FBXO44: variants seen among roughly 807,000 people sequenced by gnomAD.
FBXO44 encodes F-box only protein 44.
FBXO44 carries 25 observed loss-of-function variants against 33.5 expected under a neutral mutation model. That is an observed-to-expected ratio of 0.75 (90% CI 0.54 to 1.04). The LOEUF (loss-of-function observed/expected upper bound fraction) is 1.04. FBXO44 is among the 50% of genes least tolerant of loss of function. The pLI, the probability that FBXO44 is intolerant of heterozygous loss-of-function variation, is 0.00. For synonymous variants in FBXO44, 147 were observed against 152.8 expected (o/e 0.96, Z 0.28); for missense variants, 311 against 344.0 (o/e 0.90, Z 0.76).
Position 11,656,027 on chromosome 1 carries a change from C to T in FBXO44, c.192C>T (p.Pro64=), listed in dbSNP as rs772816291. 1.2e-6 allele frequency: 2 copies of T among 1,614,154 alleles called. No homozygotes were observed. The highest frequency in any genetic ancestry group is 2.2e-5 in the South Asian group (2 of 91,076). The part of the protein sequence containing the change: ...EGFITEDWDQ[P]VADWKIFYFL... ...TCATCACTGAGGACTGGGACCAGCC[C>T]GTGGCCGACTGGAAGATCTTCTACT... Residue 64 remains proline (P), a synonymous_variant, in exon 2 of 6, where the codon CCC becomes CCT. Transcript: ENST00000251547.
chr1:11,655,386 C>A (rs945031134), intron 1 of FBXO44: 4 of 173,606 alleles, frequency 2.3e-5, no homozygotes, highest in Non-Finnish European at 5.0e-5. Flanking sequence ...TGGACCTCCG[C>A]GGGAGGCAGT....
chr1:11,661,533 A>G lies in FBXO44; in HGVS notation c.*260A>G. On this transcript the variant is annotated 3_prime_UTR_variant, in exon 6 of 6. Transcript: ENST00000251547. This position sits in a 1 kb window ranked among gnomAD's most constrained non-coding sequence, Gnocchi z 4.4. ...CCCTTTCAGAGACGGAGCACCTGAG[A>G]TGTGGGAGGTGCAGCATGTTCCCCT... 6 of 496,374 alleles carry G rather than the reference A, an allele frequency of 1.2e-5. No individual in the cohort carries two copies. In the South Asian group the frequency reaches 2.4e-4, roughly 20 times the overall value. The allele number at this position is 496,374 out of a possible 1,614,324, so 30.7% of individuals were successfully genotyped here. A position where few individuals can be genotyped will look rare whatever the true frequency, so the allele number is the denominator to read the frequency against.
upstream of FBXO44, chr1:11,654,521 C>T (rs1451601485): frequency 4.3e-6 from 2 of 462,934 alleles, no homozygotes; most frequent in South Asian, 8.2e-5. Flanking sequence ...CCCGCAGTCC[C>T]AGCAGTCTGC....
intron 5 of FBXO44, 51 bp downstream of exon 5, chr1:11,658,922 C>A: frequency 6.3e-7 from 1 of 1,595,746 alleles, no homozygotes. Flanking sequence ...AAGGCTGAGG[C>A]TGTGGTCAGA....
Position 11,661,436 on chromosome 1 carries a change from G to C in FBXO44, c.*163G>C, listed in dbSNP as rs559802727. 2 of 1,068,208 alleles carry C rather than the reference G, an allele frequency of 1.9e-6. No homozygotes were observed. The highest frequency in any genetic ancestry group is 5.1e-5 in the East Asian group (2 of 38,876). 66.2% of individuals were successfully genotyped at this position (1,068,208 alleles called of 1,614,324 possible). ...GAGCCTCTCAGTGTGGGCAGCCCTC[G>C]CATGCTGGGGTCGGGCCAGCTCTCC... On this transcript the variant is annotated 3_prime_UTR_variant, in exon 6 of 6. Coordinates refer to ENST00000251547, the MANE Select transcript of FBXO44 (RefSeq NM_033182.7). The surrounding 1 kb of genome is among the most constrained non-coding windows in gnomAD (Gnocchi z 4.4).
At chr1:11,660,305 G>C (rs1454650919) in intron 5 of FBXO44, among the ~76,000 whole-genome samples, 1 of 152,104 alleles carries the variant, frequency 6.6e-6, no homozygotes, top group African/African-American at 2.4e-5. Flanking sequence ...GGGATTACAG[G>C]CATGCGCCAC....
At position 11,661,777 on chromosome 1, in the gene FBXO44, CT is replaced by C. The variant is rs1278982787; in HGVS notation, c.*505del. ...TGGGCTCATGGGCCGTGCTCTGCCC[CT>C]GTCTGCTGCTCCCAGTCTCTCGCTC... On this transcript the variant is annotated 3_prime_UTR_variant, in exon 6 of 6. Coordinates refer to ENST00000251547, the MANE Select transcript of FBXO44 (RefSeq NM_033182.7). This position sits in a 1 kb window ranked among gnomAD's most constrained non-coding sequence, Gnocchi z 4.4. The C allele has an allele frequency of 9.2e-6, 1 of 108,992 alleles. No individual in the cohort carries two copies. The highest frequency in any genetic ancestry group is 2.2e-5 in the Non-Finnish European group (1 of 45,104). The allele number at this position is 108,992 out of a possible 1,614,324, so 6.8% of individuals were successfully genotyped here.
At chr1:11,659,822 G>C (rs1640071218) in intron 5 of FBXO44, among the ~76,000 whole-genome samples, 1 of 152,174 alleles carries the variant, frequency 6.6e-6, no homozygotes, top group Non-Finnish European at 1.5e-5. Context: ...TAAAATGGCG[G>C]ATACGAATAT....
Position 11,655,895 on chromosome 1 carries a change from C to T in FBXO44, c.60C>T (p.His20=), listed in dbSNP as rs778101233. 39 of 1,613,830 alleles carry T rather than the reference C, an allele frequency of 2.4e-5. 1 individual carries two copies. The South Asian group carries it at 4.2e-4, about 17-fold the overall frequency. The change falls in exon 2 of 6, where the codon CAC becomes CAT. Residue 20 remains histidine, a synonymous_variant. Coordinates refer to ENST00000251547, the MANE Select transcript of FBXO44 (RefSeq NM_033182.7). Reference sequence around the variant, plus strand: ...ACATCCTGCTGGAGCTGTTCACGCACGTGCCCGCCCGCCAGCTGCTGCTGA... The same window carrying T: ...ACATCCTGCTGGAGCTGTTCACGCATGTGCCCGCCCGCCAGCTGCTGCTGA... ...PENILLELFT[H]VPARQLLLNC... is the part of the protein sequence containing the mutation.
intron 2 of FBXO44, 56 bp downstream of exon 2, chr1:11,656,156 C>G: frequency 6.3e-7 from 1 of 1,590,970 alleles, no homozygotes; most frequent in South Asian, 1.1e-5. Context: ...ACACCAGGAA[C>G]ATGTATTGAG....
intron 1 of FBXO44, among the ~76,000 whole-genome samples, 172 bp downstream of exon 1, chr1:11,655,124 G>A (rs923689980): frequency 1.3e-5 from 2 of 151,984 alleles, no homozygotes; most frequent in Non-Finnish European, 2.9e-5. Flanking sequence ...CTGCGAACGG[G>A]GGCTGGGGTC....
In FBXO44 at chr1:11,661,917, G is replaced by C. The variant is rs1295461916; in HGVS notation, c.*644G>C. The C allele has an allele frequency of 6.5e-6, 1 of 152,786 alleles. No individual in the cohort carries two copies. Among genetic ancestry groups the C allele is most frequent in the Non-Finnish European group, 1.5e-5 (1 of 68,502 alleles). The allele number at this position is 152,786 out of a possible 1,614,324, so 9.5% of individuals were successfully genotyped here. On this transcript the variant is annotated 3_prime_UTR_variant, in exon 6 of 6. Coordinates refer to ENST00000251547, the MANE Select transcript of FBXO44 (RefSeq NM_033182.7). The surrounding 1 kb of genome is among the most constrained non-coding windows in gnomAD (Gnocchi z 4.4). ...CGGGTGTGGACTGTCCTCACTGTCA[G>C]TGGAGCCCCAGAAGCTAGATGGGTA...
chr1:11,661,150 C>T lies in FBXO44; in HGVS notation c.645C>T (p.Asn215=). The part of the protein sequence containing the change: ...KWREVSHTFS[N]YPPGVRYIWF... ...GCCAGGTCTCCCACACATTCTCCAA[C>T]TACCCGCCCGGCGTCCGCTACATCT... Residue 215 remains asparagine, a synonymous_variant, in exon 6 of 6, where the codon AAC becomes AAT. Coordinates refer to ENST00000251547, the MANE Select transcript of FBXO44 (RefSeq NM_033182.7). This position sits in a 1 kb window ranked among gnomAD's most constrained non-coding sequence, Gnocchi z 4.4. 1 of 1,613,520 alleles carries T rather than the reference C, an allele frequency of 6.2e-7. No individual in the cohort carries two copies. Among genetic ancestry groups the T allele is most frequent in the Non-Finnish European group, 8.5e-7 (1 of 1,179,540 alleles).
Position 11,662,460 on chromosome 1 carries a change from G to A in FBXO44, c.*1187G>A, listed in dbSNP as rs560692977. 7 of 152,368 alleles carry A rather than the reference G, an allele frequency of 4.6e-5. No individual in the cohort carries two copies. The highest frequency in any genetic ancestry group is 1.7e-4 in the African/African-American group (7 of 41,576). The allele number at this position is 152,368 out of a possible 1,614,324, so 9.4% of individuals were successfully genotyped here. A position where few individuals can be genotyped will look rare whatever the true frequency, so the allele number is the denominator to read the frequency against. Reference sequence around the variant, plus strand: ...GGGCAGACCCCTCAGTGAGCTGCAGGTATCTCACCTGGCAGCCGTCCAGTA... The same window carrying A: ...GGGCAGACCCCTCAGTGAGCTGCAGATATCTCACCTGGCAGCCGTCCAGTA... On this transcript the variant is annotated 3_prime_UTR_variant, in exon 6 of 6. Transcript: ENST00000251547.
chr1:11,661,451 G>A lies in FBXO44; in HGVS notation c.*178G>A. 2 of 908,700 alleles carry A rather than the reference G, an allele frequency of 2.2e-6. No individual in the cohort carries two copies. The highest frequency in any genetic ancestry group is 1.6e-6 in the Non-Finnish European group (1 of 617,890). 56.3% of individuals were successfully genotyped at this position (908,700 alleles called of 1,614,324 possible). On this transcript the variant is annotated 3_prime_UTR_variant, in exon 6 of 6. Transcript: ENST00000251547. This position sits in a 1 kb window ranked among gnomAD's most constrained non-coding sequence, Gnocchi z 4.4. Reference sequence around the variant, plus strand: ...GGCAGCCCTCGCATGCTGGGGTCGGGCCAGCTCTCCCCGAAAGGTCTTGAC... The same window carrying A: ...GGCAGCCCTCGCATGCTGGGGTCGGACCAGCTCTCCCCGAAAGGTCTTGAC...
At chr1:11,658,679 C>CCCCCCCCCCCCGCCCCCCCAA in intron 4 of FBXO44, 51 bp downstream of exon 4, 1 of 1,603,820 alleles carries the variant, frequency 6.2e-7, no homozygotes, top group Non-Finnish European at 8.5e-7. Flanking sequence ...TCAGGCGCCC[C>CCCCCCCCCCCCGCCCCCCCAA]ACCCCCGCCC....
At chr1:11,658,458 C>G (rs1406819912) in intron 3 of FBXO44, 65 bp downstream of exon 3, 1 of 1,611,018 alleles carries the variant, frequency 6.2e-7, no homozygotes. Flanking sequence ...CTCTCCCACC[C>G]TGGAAGGGGC....
intron 2 of FBXO44, 66 bp from the exon 3 acceptor site, chr1:11,658,201 G>T: frequency 6.2e-7 from 1 of 1,604,758 alleles, no homozygotes; most frequent in Non-Finnish European, 8.5e-7. Context: ...TGGGGAGGAA[G>T]GGGCATTTGG....
In FBXO44 at chr1:11,658,307, T is replaced by C; in HGVS notation, c.306T>C (p.Asp102=). Residue 102 remains aspartate, a synonymous_variant, in exon 3 of 6, where the codon GAT becomes GAC. Transcript: ENST00000251547. ...EFWSLDVNGG[D]EWKVEDLSRD... ...GGAGCCTGGATGTGAATGGAGGCGATGAGTGGAAGGTGGAGGATCTCTCTC... is the reference window on the plus strand; with the variant it reads ...GGAGCCTGGATGTGAATGGAGGCGACGAGTGGAAGGTGGAGGATCTCTCTC... 1 of 1,613,592 alleles carries C rather than the reference T, an allele frequency of 6.2e-7. No homozygotes were observed. Among genetic ancestry groups the C allele is most frequent in the East Asian group, 2.2e-5 (1 of 44,866 alleles).
Sources: gnomAD v4.1 joint callset for allele counts (sites outside exome capture counted in the v4.1 genomes callset) on GRCh38, gnomAD v4.1.1 for gene constraint, Gnocchi (gnomAD v3.1) non-coding constraint, MANE v1.5 for transcripts, NCBI Gene and HGNC (gene_info 2026-07-23, HGNC 2026-07-21) for gene names.